MLKL: variants seen among roughly 807,000 people sequenced by gnomAD.
The protein encoded by MLKL is mixed lineage kinase domain-like protein.
In MLKL, 55 loss-of-function variants were observed where a neutral mutation model predicts 56.5. The ratio of observed to expected loss-of-function variants is 0.97; its 90% CI spans 0.78 to 1.22. The LOEUF (loss-of-function observed/expected upper bound fraction) is 1.22. MLKL is among the 50% of genes most tolerant of loss of function. The pLI is 0.00. For missense variants in MLKL, 694 were observed against 573.9 expected, an observed-to-expected ratio of 1.21 and a Z score of -2.14; for synonymous variants, 251 against 208.3, an observed-to-expected ratio of 1.20 and a Z score of -1.76.
rs768395606 is a variant in MLKL, at chr16:74,691,257, A to G, written c.722+20T>C. 1.3e-6 allele frequency: 2 copies of G among 1,594,150 alleles called. No individual in the cohort carries two copies. The highest frequency in any genetic ancestry group is 1.7e-6 in the Non-Finnish European group (2 of 1,169,108). ...GAGTAAGTATTGGTACACACGAGAG[A>G]ACCACACAAAACAACTTACGCAATG... is the stretch of plus-strand genomic sequence containing the variant. On this transcript the variant is annotated intron_variant, in intron 4 of 10. Coordinates refer to ENST00000308807, the MANE Select transcript of MLKL (RefSeq NM_152649.4).
intron 6 of MLKL, among the ~76,000 whole-genome samples, chr16:74,680,487 G>T (rs542165452): frequency 5.7e-4 from 86 of 150,868 alleles, no homozygotes; most frequent in Middle Eastern, 3.4e-3. Flanking sequence ...TTTTTTTTTT[G>T]TTTTTTTGTT....
chr16:74,694,105 T>C (rs1274924330), intron 2 of MLKL, among the ~76,000 whole-genome samples: 2 of 152,156 alleles, frequency 1.3e-5, no homozygotes, highest in Non-Finnish European at 1.5e-5. Flanking sequence ...GATTATTTAA[T>C]GAGAAAAGAA....
At chr16:74,676,568 G>T in intron 7 of MLKL, 1 of 666,300 alleles carries the variant, frequency 1.5e-6, no homozygotes, top group Non-Finnish European at 1.9e-6. Flanking sequence ...GGGATGAAAG[G>T]TGGAATAGCG....
At chr16:74,694,561 T>A (rs1305077708) in intron 2 of MLKL, among the ~76,000 whole-genome samples, 1 of 152,048 alleles carries the variant, frequency 6.6e-6, no homozygotes, top group African/African-American at 2.4e-5. Flanking sequence ...GGCCAGGAGT[T>A]CTACACCAGC....
Position 74,685,498 on chromosome 16 carries a change from T to C in MLKL, c.808A>G (p.Ile270Val), listed in dbSNP as rs772728950. ...PNILRIFGIC[I>V]DETVTPPQFS... is the part of the protein sequence containing the mutation. Reference sequence around the variant, plus strand: ...AAGCATTCCTTACCTGTTTCATCAATGCAAATCCCAAATATACGCAGGATG... The same window carrying C: ...AAGCATTCCTTACCTGTTTCATCAACGCAAATCCCAAATATACGCAGGATG... The change falls in exon 5 of 11, where the codon ATT becomes GTT. Residue 270 changes from isoleucine (I) to valine (V), a missense_variant. Physicochemically the swap from Ile to Val is conservative, Grantham distance 29 (BLOSUM62 3). Coordinates refer to ENST00000308807, the MANE Select transcript of MLKL (RefSeq NM_152649.4). 1.5e-5 allele frequency: 24 copies of C among 1,613,774 alleles called. No individual in the cohort carries two copies. The East Asian group carries it at 3.8e-4, about 25-fold the overall frequency.
rs771459153 is a variant in MLKL, at chr16:74,682,638, C to T, written c.956+13G>A. 2 of 1,613,438 alleles carry T rather than the reference C, an allele frequency of 1.2e-6. No homozygotes were observed. Among genetic ancestry groups the T allele is most frequent in the Non-Finnish European group, 1.7e-6 (2 of 1,179,856 alleles). On this transcript the variant is annotated intron_variant, in intron 6 of 10. Coordinates refer to ENST00000308807, the MANE Select transcript of MLKL (RefSeq NM_152649.4). ...CATCCAACCCTTAGTGGCGCCTTTT[C>T]ACCCCGTCTTACCGGTATAGGCCTC...
At position 74,695,500 on chromosome 16, in the gene MLKL, G is replaced by C; in HGVS notation, c.258C>G (p.Cys86Trp). ...TGTCCTGGCTTGCTGTTAGAAACCT[G>C]CAGATATTGGATCTATTGCTGAACT... ...IEKFSNRSNI[C>W]RFLTASQDKI... Residue 86 changes from cysteine (C) to tryptophan (W), a missense_variant, in exon 2 of 11, where the codon TGC (cysteine) becomes TGG (tryptophan). Transcript: ENST00000308807. The C allele has an allele frequency of 6.2e-7, 1 of 1,614,136 alleles. No individual in the cohort carries two copies. Among genetic ancestry groups the C allele is most frequent in the Non-Finnish European group, 8.5e-7 (1 of 1,180,012 alleles).
chr16:74,684,701 G>A (rs926211243), intron 5 of MLKL, among the ~76,000 whole-genome samples: 2 of 151,622 alleles, frequency 1.3e-5, no homozygotes, highest in Admixed American at 6.6e-5. Flanking sequence ...TCATCATGTT[G>A]GCCAGGACGG....
intron 2 of MLKL, 143 bp from the exon 3 acceptor site, chr16:74,692,559 T>A: frequency 6.3e-6 from 4 of 636,900 alleles, no homozygotes; most frequent in Non-Finnish European, 7.8e-6. Flanking sequence ...TGATCACCAA[T>A]ATTCAGATTT....
rs756192894 is a variant in MLKL, at chr16:74,675,394, C to T, written c.1201G>A (p.Val401Ile). The T allele has an allele frequency of 9.9e-6, 16 of 1,613,838 alleles. No homozygotes were observed. Among genetic ancestry groups the T allele is most frequent in the Admixed American group, 3.3e-5 (2 of 59,998 alleles). Residue 401 changes from valine to isoleucine, a missense_variant, in exon 9 of 11, where the codon GTC becomes ATC. Physicochemically the swap from Val to Ile is conservative, Grantham distance 29. Transcript: ENST00000308807. ...VKSEIYSFGIVLWEIATGDIP... is the reference protein window; with the variant it reads ...VKSEIYSFGIILWEIATGDIP... ...TCTCCAGTGGCGATTTCCCAGAGGA[C>T]GATTCCAAAGCTAAAAGAAAACCAA...
intron 7 of MLKL, chr16:74,676,188 A>G (rs1208733950): frequency 2.1e-6 from 2 of 963,440 alleles, no homozygotes; most frequent in African/African-American, 1.8e-5. Flanking sequence ...AAGCAGATGG[A>G]AAAATGGCAT....
At chr16:74,680,582 C>T (rs1959898491) in intron 6 of MLKL, among the ~76,000 whole-genome samples, 1 of 151,914 alleles carries the variant, frequency 6.6e-6, no homozygotes, top group Admixed American at 6.6e-5. Context: ...TCTCAGCTCA[C>T]TGCAACCTCT....
At chr16:74,676,617 T>C (rs2144452933) in intron 7 of MLKL, 1 of 325,514 alleles carries the variant, frequency 3.1e-6, no homozygotes, top group Admixed American at 6.5e-5. Context: ...GTGAGAGTAG[T>C]AGAAACAGTG....
At position 74,679,095 on chromosome 16, in the gene MLKL, T is replaced by C. The variant is rs113430799; in HGVS notation, c.957-115A>G. ...CAGTACCATGGGTGCCTGTCCACAGTTACACAGGAAAAACTGGGATGTAGA... is the reference window on the plus strand; with the variant it reads ...CAGTACCATGGGTGCCTGTCCACAGCTACACAGGAAAAACTGGGATGTAGA... On this transcript the variant is annotated intron_variant, in intron 6 of 10. Transcript: ENST00000308807. 11,065 of 760,556 alleles carry C rather than the reference T, an allele frequency of 0.015. 128 individuals carry two copies. The highest frequency in any genetic ancestry group is 0.019 in the Non-Finnish European group (8,258 of 444,764). The allele number at this position is 760,556 out of a possible 1,614,324, so 47.1% of individuals were successfully genotyped here.
intron 5 of MLKL, 91 bp from the exon 6 acceptor site, chr16:74,682,877 C>G: frequency 6.8e-7 from 1 of 1,477,022 alleles, no homozygotes; most frequent in Non-Finnish European, 9.2e-7. Context: ...GGTACAGATA[C>G]AGACTTGGCT....
At chr16:74,685,865 G>A (rs1200793717) in intron 4 of MLKL, among the ~76,000 whole-genome samples, 2 of 152,134 alleles carry the variant, frequency 1.3e-5, no homozygotes, top group African/African-American at 4.8e-5. Flanking sequence ...ATGACCTACA[G>A]GGCTTTACTA....
chr16:74,693,729 G>C (rs1334351515), intron 2 of MLKL, among the ~76,000 whole-genome samples: 5 of 149,784 alleles, frequency 3.3e-5, no homozygotes, highest in African/African-American at 9.8e-5. Context: ...TCAGCCTCCC[G>C]AGTAGCTGGG....
intron 6 of MLKL, among the ~76,000 whole-genome samples, chr16:74,679,766 G>C (rs534078501): frequency 1.9e-4 from 29 of 152,162 alleles, no homozygotes; most frequent in African/African-American, 6.5e-4. Flanking sequence ...AGTGAGCCGA[G>C]ATCACGCCAC....
At chr16:74,678,340 G>C (rs898768105) in intron 7 of MLKL, 1 of 155,516 alleles carries the variant, frequency 6.4e-6, no homozygotes, top group African/African-American at 2.4e-5. Context: ...CATCTAAGGG[G>C]AAATGACTTG....
Sources: gnomAD v4.1 joint callset for allele counts (sites outside exome capture counted in the v4.1 genomes callset) on GRCh38, gnomAD v4.1.1 for gene constraint, MANE v1.5 for transcripts, NCBI Gene and HGNC (gene_info 2026-07-23, HGNC 2026-07-21) for gene names.